Variants in AFF3 observed in about 807,000 individuals in gnomAD.
The protein encoded by AFF3 is ALF transcription elongation factor 3, also known as AF4/FMR2 family member 3.
A neutral mutation model predicts 129.7 loss-of-function variants in AFF3; 32 were observed. The observed-to-expected ratio is 0.25, with a 90% CI of 0.19 to 0.33. AFF3 has a LOEUF of 0.33. AFF3 is among the 10% of genes least tolerant of loss of function. The probability of loss-of-function intolerance (pLI) is 1.00; values close to 1 mark genes in which losing one functional copy is unlikely to be tolerated. For missense variants in AFF3, 1,373 were observed against 1,592.0 expected (o/e 0.86, Z 2.34); for synonymous variants, 644 against 635.4 (o/e 1.01, Z -0.20).
chr2:99,963,743 A>C (rs994844608), intron 7 of AFF3, among the ~76,000 whole-genome samples: 17 of 152,216 alleles, frequency 1.1e-4, no homozygotes, highest in African/African-American at 3.8e-4. Context: ...ATGAGGAGTC[A>C]GAAAAACAAT....
intron 13 of AFF3, among the ~76,000 whole-genome samples, 164 bp from the exon 14 acceptor site, chr2:99,601,785 G>A (rs1679865358): frequency 6.6e-6 from 1 of 152,214 alleles, no homozygotes; most frequent in South Asian, 2.1e-4. Flanking sequence ...CGAGGTCAAA[G>A]TCATCCTAAA....
rs571943370 is a variant in AFF3 at position 100,020,170 on chromosome 2, TCCGTGGATGCTTTTCACTCC to T, written c.54-11258_54-11239del. On this transcript the variant is annotated intron_variant, in intron 4 of 24. Coordinates refer to ENST00000672756, the MANE Select transcript of AFF3 (RefSeq NM_001386135.1). ...AGGCTTCAACTTCCTCATGGGGCAA[TCCGTGGATGCTTTTCACTCC>T]CCTATCTCCCCTTGGCTAGCACTGC... Among the ~76,000 whole-genome samples the T allele has an allele frequency of 1.2e-3, 186 of 152,156 alleles. 2 individuals carry two copies. The highest frequency in any genetic ancestry group is 4.1e-3 in the African/African-American group (172 of 41,518).
chr2:99,932,421 C>T (rs989332589), intron 7 of AFF3, among the ~76,000 whole-genome samples: 4 of 152,128 alleles, frequency 2.6e-5, no homozygotes, highest in African/African-American at 9.7e-5. Context: ...TTAAAGAAAA[C>T]AAGATTTGCA....
intron 7 of AFF3, among the ~76,000 whole-genome samples, chr2:99,940,509 T>G (rs1674933991): frequency 6.6e-6 from 1 of 152,192 alleles, no homozygotes; most frequent in South Asian, 2.1e-4. Flanking sequence ...AAAACCAAGA[T>G]GGTGACGAGA....
chr2:99,725,052 C>A (rs536063752), intron 11 of AFF3, among the ~76,000 whole-genome samples: 34 of 151,262 alleles, frequency 2.2e-4, no homozygotes, highest in African/African-American at 7.8e-4. Flanking sequence ...CTCACTGCAA[C>A]CTCCGCCTCC....
intron 7 of AFF3, among the ~76,000 whole-genome samples, chr2:99,941,504 T>C (rs1675039015): frequency 6.6e-6 from 1 of 152,236 alleles, no homozygotes. Flanking sequence ...CGATGATCCA[T>C]TCTTCCATTC....
chr2:99,652,662 T>C (rs371427059), intron 12 of AFF3, among the ~76,000 whole-genome samples: 1 of 152,130 alleles, frequency 6.6e-6, no homozygotes, highest in Non-Finnish European at 1.5e-5. Context: ...TGCCATTCAT[T>C]TGCTATGGAC....
rs1245414217 is a variant in AFF3 at position 100,046,716 on chromosome 2, T to C, written c.54-37784A>G. The stretch of plus-strand genomic sequence containing the variant: ...TTTAATTACCATGACTCAGTTTTTA[T>C]GTTCACTTTTTGGTCAAAGCTAAAT... On this transcript the variant is annotated intron_variant, in intron 4 of 24. Transcript: ENST00000672756. 2.0e-5 allele frequency among the ~76,000 whole-genome samples: 3 copies of C among 152,220 alleles called. No individual in the cohort carries two copies. The East Asian group carries it at 5.8e-4, about 29-fold the overall frequency.
chr2:99,804,117 T>C (rs1225828179), intron 8 of AFF3, among the ~76,000 whole-genome samples: 3 of 152,100 alleles, frequency 2.0e-5, no homozygotes, highest in Non-Finnish European at 2.9e-5. Context: ...AGCTTCTGCA[T>C]AGCAAAAGAA....
At position 100,065,387 on chromosome 2, in the gene AFF3, GTTC is replaced by G. The variant is rs1356840011; in HGVS notation, c.53+39012_53+39014del. ...TTGTTAATAAAGTTAATCAAATTCA[GTTC>G]TTCTTACGCATGCATTTAAACAGAA... On this transcript the variant is annotated intron_variant, in intron 4 of 24. Transcript: ENST00000672756. Among the ~76,000 whole-genome samples, 10 of 152,224 alleles carry G rather than the reference GTTC, an allele frequency of 6.6e-5. No individual in the cohort carries two copies. The South Asian group carries it at 1.5e-3, about 22-fold the overall frequency.
In AFF3 at chr2:99,867,004, A is replaced by ATAATAAT. The variant is rs1347678890; in HGVS notation, c.874-29481_874-29480insATTATTA. 5.3e-3 allele frequency among the ~76,000 whole-genome samples: 547 copies of ATAATAAT among 102,892 alleles called. 4 individuals are homozygous for ATAATAAT. Among genetic ancestry groups the ATAATAAT allele is most frequent in the South Asian group, 9.5e-3 (34 of 3,590 alleles). The allele number at this position is 102,892 out of a possible 152,430, so 67.5% of individuals were successfully genotyped here. ...TAATAATAATAATAATAATAATAAA[A>ATAATAAT]AATAAATAAAATAAAAATAAAAAAT... On this transcript the variant is annotated intron_variant, in intron 7 of 24. Coordinates refer to ENST00000672756, the MANE Select transcript of AFF3 (RefSeq NM_001386135.1).
intron 8 of AFF3, among the ~76,000 whole-genome samples, chr2:99,791,947 G>A (rs950655665): frequency 6.6e-6 from 1 of 151,904 alleles, no homozygotes; most frequent in African/African-American, 2.4e-5. Context: ...AAGTGCATCA[G>A]ATATGCTTCA....
chr2:99,547,031 TGAA>T lies in AFF3; in HGVS notation c.*4440_*4442del. The T allele has an allele frequency of 4.6e-6, 1 of 218,960 alleles. No individual in the cohort carries two copies. The highest frequency in any genetic ancestry group is 9.2e-6 in the Non-Finnish European group (1 of 109,150). 13.6% of individuals were successfully genotyped at this position (218,960 alleles called of 1,614,324 possible). ...GACAAATAGTAAACTATAGTTATAA[TGAA>T]GAAAAACATACTTCTTTTCCATGAA... On this transcript the variant is annotated 3_prime_UTR_variant, in exon 25 of 25. Coordinates refer to ENST00000672756, the MANE Select transcript of AFF3 (RefSeq NM_001386135.1).
At chr2:100,018,032 G>GTGTGTGTGTA (rs372741359) in intron 4 of AFF3, among the ~76,000 whole-genome samples, 13 of 149,942 alleles carry the variant, frequency 8.7e-5, no homozygotes, top group East Asian at 2.0e-4. Context: ...GTGTGTGTGT[G>GTGTGTGTGTA]TATATATATA....
At chr2:99,737,113 T>G (rs1333610570) in intron 10 of AFF3, among the ~76,000 whole-genome samples, 2 of 152,152 alleles carry the variant, frequency 1.3e-5, no homozygotes, top group Non-Finnish European at 2.9e-5. Context: ...AATATTTACT[T>G]AATTTATCAA....
At chr2:99,827,501 G>C (rs1169367615) in intron 8 of AFF3, among the ~76,000 whole-genome samples, 1 of 152,026 alleles carries the variant, frequency 6.6e-6, no homozygotes, top group Non-Finnish European at 1.5e-5. Flanking sequence ...GGTAACCTCA[G>C]TAAAAGCCAT....
At chr2:99,904,276 C>A (rs977005469) in intron 7 of AFF3, among the ~76,000 whole-genome samples, 1 of 152,118 alleles carries the variant, frequency 6.6e-6, no homozygotes, top group Non-Finnish European at 1.5e-5. Flanking sequence ...TGGAGAGTAG[C>A]TAGGCAAGGA....
At chr2:99,655,329 G>A (rs1685656098) in intron 12 of AFF3, among the ~76,000 whole-genome samples, 1 of 151,394 alleles carries the variant, frequency 6.6e-6, no homozygotes. Flanking sequence ...AACTAATGAA[G>A]GAAACCTTGT....
chr2:99,699,065 A>C (rs986088034), intron 11 of AFF3, among the ~76,000 whole-genome samples: 2 of 152,256 alleles, frequency 1.3e-5, no homozygotes, highest in Non-Finnish European at 2.9e-5. Flanking sequence ...ACAAAGCTGC[A>C]TACCTGAGCA....
Sources: allele counts gnomAD v4.1 joint callset (sites outside exome capture counted in the v4.1 genomes callset), GRCh38; gene constraint gnomAD v4.1.1; transcripts MANE v1.5; gene names NCBI Gene and HGNC (gene_info 2026-07-23, HGNC 2026-07-21).